Variants in RMST observed in about 807,000 individuals in gnomAD.
RMST encodes rhabdomyosarcoma 2 associated transcript.
intron 10 of RMST, among the ~76,000 whole-genome samples, chr12:97,521,034 T>C (rs1880458728): frequency 2.0e-5 from 3 of 152,206 alleles, no homozygotes. Flanking sequence ...AAATGAAATG[T>C]ATACATTCTT....
intron 10 of RMST, among the ~76,000 whole-genome samples, chr12:97,506,035 AT>A (rs1565926111): frequency 6.6e-6 from 1 of 152,218 alleles, no homozygotes; most frequent in Non-Finnish European, 1.5e-5. Context: ...AAAAACCCAC[AT>A]ATTTTAATAA....
chr12:97,526,371 TGCATG>T (rs1881115257), intron 10 of RMST, among the ~76,000 whole-genome samples: 1 of 152,218 alleles, frequency 6.6e-6, no homozygotes, highest in Non-Finnish European at 1.5e-5. Flanking sequence ...TTTTAATGGC[TGCATG>T]GCATTCTACA....
chr12:97,495,610 T>C (rs1463434588), intron 9 of RMST, among the ~76,000 whole-genome samples: 1 of 152,100 alleles, frequency 6.6e-6, no homozygotes, highest in Non-Finnish European at 1.5e-5. Context: ...ATATAAAATA[T>C]ATATTATCCA....
intron 11 of RMST, chr12:97,533,627 A>G (rs756514015): frequency 7.2e-5 from 11 of 151,792 alleles, no homozygotes; most frequent in Non-Finnish European, 1.0e-4. Context: ...AACTGTTTCC[A>G]TTTTTCATAT....
rs537840796 is a variant in RMST, at chr12:97,524,075, C to CAAAAAAAAA, written n.1341-6560_1341-6552dup. ...TGGGCAACAGAGTGAGACTCTGTCT[C>CAAAAAAAAA]AAAAAAAAAAAAAAAAAAAAAAAAA... On this transcript the variant is annotated intron_variant and non_coding_transcript_variant, in intron 10 of 13. Transcript: ENST00000640149. 4.2e-3 allele frequency among the ~76,000 whole-genome samples: 236 copies of CAAAAAAAAA among 56,110 alleles called. 31 individuals are homozygous for CAAAAAAAAA. Among genetic ancestry groups the CAAAAAAAAA allele is most frequent in the African/African-American group, 0.016 (211 of 12,958 alleles). 36.8% of individuals were successfully genotyped at this position (56,110 alleles called of 152,430 possible).
intron 10 of RMST, among the ~76,000 whole-genome samples, chr12:97,525,277 T>C (rs1042193733): frequency 2.0e-5 from 3 of 152,156 alleles, no homozygotes; most frequent in African/African-American, 7.2e-5. Context: ...GAAAATAACA[T>C]TGAAATGTGA....
At chr12:97,507,597 G>T (rs1024270028) in intron 10 of RMST, among the ~76,000 whole-genome samples, 1 of 152,188 alleles carries the variant, frequency 6.6e-6, no homozygotes, top group Admixed American at 6.5e-5. Flanking sequence ...ACTTATACCA[G>T]AAGTAGGCCA....
chr12:97,466,411 G>T (rs1438633959), intron 5 of RMST, among the ~76,000 whole-genome samples: 2 of 151,990 alleles, frequency 1.3e-5, no homozygotes, highest in African/African-American at 4.8e-5. Flanking sequence ...TTATATAAGT[G>T]GTTAATTTCC....
At chr12:97,521,194 G>A (rs2136550230) in intron 10 of RMST, among the ~76,000 whole-genome samples, 1 of 152,186 alleles carries the variant, frequency 6.6e-6, no homozygotes. Flanking sequence ...TGGTATTTTG[G>A]AGACTTGTAT....
intron 10 of RMST, among the ~76,000 whole-genome samples, chr12:97,512,359 G>A (rs529054625): frequency 1.3e-5 from 2 of 152,158 alleles, no homozygotes; most frequent in Non-Finnish European, 2.9e-5. Context: ...AGCTTCCACA[G>A]CGTGTAAGGG....
At chr12:97,518,464 C>T (rs944296434) in intron 10 of RMST, among the ~76,000 whole-genome samples, 1 of 152,162 alleles carries the variant, frequency 6.6e-6, no homozygotes, top group Non-Finnish European at 1.5e-5. Flanking sequence ...TTAAAGGTTT[C>T]TCACTGCCTC....
At chr12:97,463,217 C>T (rs1167612155) in exon 4 of RMST, 2 of 151,960 alleles carry the variant, frequency 1.3e-5, no homozygotes, top group Admixed American at 1.3e-4. Flanking sequence ...ACAGTGGAGC[C>T]GATTTCCGCG....
intron 11 of RMST, among the ~76,000 whole-genome samples, chr12:97,545,612 T>C (rs1592779967): frequency 6.6e-6 from 1 of 152,104 alleles, no homozygotes; most frequent in Non-Finnish European, 1.5e-5. Flanking sequence ...CTCTCAGTTT[T>C]TGGCTTCCAG....
intron 13 of RMST, among the ~76,000 whole-genome samples, chr12:97,561,629 C>CTTTTTT (rs9331504): frequency 1.1e-4 from 6 of 56,682 alleles, no homozygotes; most frequent in African/African-American, 1.5e-4. Context: ...AGTTTGAAGG[C>CTTTTTT]TTTTTTTTTT....
At chr12:97,548,396 A>G (rs1445770758) in intron 11 of RMST, among the ~76,000 whole-genome samples, 1 of 152,068 alleles carries the variant, frequency 6.6e-6, no homozygotes, top group Non-Finnish European at 1.5e-5. Context: ...GGTTCCATAC[A>G]AATTTTAGGA....
Position 97,549,933 on chromosome 12 carries a change from T to A in RMST, n.1546-10604T>A, listed in dbSNP as rs568280785. Among the ~76,000 whole-genome samples the A allele has an allele frequency of 2.0e-5, 3 of 152,340 alleles. No homozygotes were observed. In the South Asian group the frequency reaches 6.2e-4, roughly 32 times the overall value. The stretch of plus-strand genomic sequence containing the variant: ...AAATAACCCAAGTTTGATTTTCAAA[T>A]ACCTATAGAATTCGGTATTTTGTAA... On this transcript the variant is annotated intron_variant and non_coding_transcript_variant, in intron 11 of 13. Coordinates refer to ENST00000640149, the Ensembl canonical transcript of RMST.
intron 11 of RMST, among the ~76,000 whole-genome samples, chr12:97,537,553 G>A (rs1186676198): frequency 6.6e-6 from 1 of 151,334 alleles, no homozygotes; most frequent in Non-Finnish European, 1.5e-5. Flanking sequence ...TTGCATAAAT[G>A]TGCCTAATTA....
At chr12:97,533,881 T>C (rs1881872975) in intron 11 of RMST, 2 of 151,836 alleles carry the variant, frequency 1.3e-5, no homozygotes, top group Non-Finnish European at 2.9e-5. Flanking sequence ...TAGTTTATTT[T>C]TGCACAAGCT....
intron 5 of RMST, among the ~76,000 whole-genome samples, chr12:97,472,756 T>G (rs1874074974): frequency 6.6e-6 from 1 of 152,174 alleles, no homozygotes; most frequent in African/African-American, 2.4e-5. Flanking sequence ...ATGTAATTTT[T>G]CATTCCAAAT....
Sources: gnomAD v4.1 joint callset for allele counts (sites outside exome capture counted in the v4.1 genomes callset) on GRCh38, gnomAD v4.1.1 for gene constraint, MANE v1.5 for transcripts, NCBI Gene and HGNC (gene_info 2026-07-23, HGNC 2026-07-21) for gene names.